The following XRCC1 variants were observed in gnomAD, a reference collection of about 807,000 sequenced individuals.
XRCC1 encodes the protein DNA repair protein XRCC1.
Under a neutral mutation model 83.3 loss-of-function variants are expected in XRCC1, and 52 were observed. The ratio of observed to expected loss-of-function variants is 0.62; its 90% CI spans 0.50 to 0.79. XRCC1 has a LOEUF of 0.79. XRCC1 is among the 30% of genes least tolerant of loss of function. The pLI, the probability that XRCC1 is intolerant of heterozygous loss-of-function variation, is 0.00. For synonymous variants in XRCC1, 281 were observed against 312.6 expected (o/e 0.90, Z 1.07); for missense variants, 793 against 823.5 (o/e 0.96, Z 0.45).
At chr19:43,550,061 A>AGCCT (rs1284923461) in intron 10 of XRCC1, among the ~76,000 whole-genome samples, 1 of 151,984 alleles carries the variant, frequency 6.6e-6, no homozygotes, top group Non-Finnish European at 1.5e-5. Context: ...CTCCCAACAG[A>AGCCT]GCCTGCCCCT....
intron 10 of XRCC1, among the ~76,000 whole-genome samples, chr19:43,548,539 C>CAAGATGTGCTTTGTT (rs1248556594): frequency 3.3e-5 from 5 of 152,092 alleles, no homozygotes; most frequent in Non-Finnish European, 5.9e-5. Context: ...AAGGGCGGTG[C>CAAGATGTGCTTTGTT]AAGATGTGCT....
intron 14 of XRCC1, 151 bp downstream of exon 14, chr19:43,545,667 C>T (rs1972500581): frequency 9.9e-7 from 1 of 1,006,014 alleles, no homozygotes; most frequent in South Asian, 1.6e-5. Flanking sequence ...CCTGGCAGAA[C>T]CTGAAGGTGC....
chr19:43,553,388 T>C lies in XRCC1; in HGVS notation c.601+13A>G, dbSNP rs1214973679. On this transcript the variant is annotated intron_variant, in intron 6 of 16. Transcript: ENST00000262887. ...AACCCTACTCACTCAGGACCCACGT[T>C]GTCCGAGCTCACCTGGGGATGTCTT... is the stretch of plus-strand genomic sequence containing the variant. 6.2e-7 allele frequency: 1 copy of C among 1,613,516 alleles called. No individual in the cohort carries two copies. Among genetic ancestry groups the C allele is most frequent in the African/African-American group, 1.3e-5 (1 of 74,906 alleles).
At chr19:43,563,624 C>T (rs3213309) in intron 2 of XRCC1, among the ~76,000 whole-genome samples, 2,654 of 152,276 alleles carry the variant, frequency 0.017, 76 homozygotes, top group African/African-American at 0.061. Flanking sequence ...GGCTCCTTCC[C>T]ACCTCAGGGC....
chr19:43,553,208 G>A (rs1972600424), intron 6 of XRCC1, 117 bp from the exon 7 acceptor site: 1 of 1,239,514 alleles, frequency 8.1e-7, no homozygotes, highest in Non-Finnish European at 1.1e-6. Flanking sequence ...AGGAGTCCCA[G>A]CCTCCAGACC....
chr19:43,552,287 A>G lies in XRCC1; in HGVS notation c.824-12T>C. On this transcript the variant is annotated splice_polypyrimidine_tract_variant and intron_variant, in intron 8 of 16. Coordinates refer to ENST00000262887, the MANE Select transcript of XRCC1 (RefSeq NM_006297.3). ...AGTTGGAGCTGGCACTGGAGAAGAC[A>G]AAGAGTAGATTAGGTTAGCACCACT... 6.3e-7 allele frequency: 1 copy of G among 1,576,024 alleles called. No individual in the cohort carries two copies.
rs1365880545 is a variant in XRCC1 at position 43,554,782 on chromosome 19, A to G, written c.278T>C (p.Phe93Ser). Residue 93 changes from phenylalanine to serine, a missense_variant, in exon 4 of 17, where the codon TTC becomes TCC. Phe to Ser is a radical substitution (Grantham distance 155). Transcript: ENST00000262887. Reference sequence around the variant, plus strand: ...ACTGCGGCTCTCGGAAGGGGACATGAAAGATGAGGTGACCAGAAGGACCTG... The same window carrying G: ...ACTGCGGCTCTCGGAAGGGGACATGGAAGATGAGGTGACCAGAAGGACCTG... Reference protein sequence around the residue: ...DYEVLLVTSSFMSPSESRSGS... With the variant: ...DYEVLLVTSSSMSPSESRSGS... The G allele has an allele frequency of 1.2e-6, 2 of 1,612,618 alleles. No homozygotes were observed. The highest frequency in any genetic ancestry group is 1.1e-5 in the South Asian group (1 of 91,008).
intron 2 of XRCC1, chr19:43,574,536 C>T (rs1247066389): frequency 2.0e-5 from 4 of 195,726 alleles, no homozygotes; most frequent in African/African-American, 6.9e-5. Context: ...CGGCCAGTTT[C>T]CCCTTCTTTA....
chr19:43,567,897 CAG>C (rs1972769191), intron 2 of XRCC1, among the ~76,000 whole-genome samples: 1 of 139,718 alleles, frequency 7.2e-6, no homozygotes, highest in South Asian at 2.2e-4. Flanking sequence ...TTTTTTGAGA[CAG>C]AGTCTTGCTC....
rs779452320 is a variant in XRCC1 at position 43,544,185 on chromosome 19, G to C, written c.1671C>G (p.Asp557Glu). ...HFFLYGEFPG[D>E]ERRKLIRYVT... Reference sequence around the variant, plus strand: ...CGTATCGGATGAGTTTCCGCCGCTCGTCCCCAGGGAACTCCCCGTAAAGAA... The same window carrying C: ...CGTATCGGATGAGTTTCCGCCGCTCCTCCCCAGGGAACTCCCCGTAAAGAA... Residue 557 changes from aspartate to glutamate, a missense_variant, in exon 15 of 17, where the codon GAC (aspartate) becomes GAG (glutamate). Coordinates refer to ENST00000262887, the MANE Select transcript of XRCC1 (RefSeq NM_006297.3). 5.6e-6 allele frequency: 9 copies of C among 1,610,932 alleles called. No homozygotes were observed. In the East Asian group the frequency reaches 2.0e-4, roughly 36 times the overall value.
At position 43,553,135 on chromosome 19, in the gene XRCC1, C is replaced by G. The variant is rs762813899; in HGVS notation, c.602-44G>C. 17 of 1,532,042 alleles carry G rather than the reference C, an allele frequency of 1.1e-5. No homozygotes were observed. In the Admixed American group the frequency reaches 3.1e-4, roughly 28 times the overall value. The allele number at this position is 1,532,042 out of a possible 1,614,324, so 94.9% of individuals were successfully genotyped here. ...GATCCAGGATGAGAGGGCTGAGCCC[C>G]AAGACCCTTTCACTCCTATCTATGG... On this transcript the variant is annotated intron_variant, in intron 6 of 16. Transcript: ENST00000262887.
At chr19:43,552,310 A>G in intron 8 of XRCC1, 35 bp from the exon 9 acceptor site, 3 of 1,484,238 alleles carry the variant, frequency 2.0e-6, no homozygotes, top group Non-Finnish European at 1.8e-6. Context: ...GGTTAGCACC[A>G]CTGGGGGTCA....
At chr19:43,543,943 C>T (rs1209204293) in intron 15 of XRCC1, among the ~76,000 whole-genome samples, 1 of 152,132 alleles carries the variant, frequency 6.6e-6, no homozygotes. Context: ...GAAGAGGAAA[C>T]TGAGGCAAGC....
At chr19:43,548,026 T>G in intron 10 of XRCC1, among the ~76,000 whole-genome samples, 1 of 54,600 alleles carries the variant, frequency 1.8e-5, no homozygotes, top group Admixed American at 1.6e-4. Flanking sequence ...CAGTAGCAGG[T>G]TCCCGTCCGG....
intron 2 of XRCC1, among the ~76,000 whole-genome samples, chr19:43,567,501 G>A (rs1047990993): frequency 2.6e-5 from 4 of 152,002 alleles, no homozygotes; most frequent in Non-Finnish European, 4.4e-5. Context: ...CAGTAGAGAT[G>A]GGGTTTCACC....
chr19:43,563,445 A>T (rs1319810056), intron 2 of XRCC1, among the ~76,000 whole-genome samples: 1 of 152,182 alleles, frequency 6.6e-6, no homozygotes, highest in Non-Finnish European at 1.5e-5. Context: ...GTGAGCCGAG[A>T]TTGTGCCACT....
At chr19:43,574,864 C>T (rs759127923) in intron 2 of XRCC1, 46 bp downstream of exon 2, 1 of 1,520,024 alleles carries the variant, frequency 6.6e-7, no homozygotes. Flanking sequence ...TCTGGAACCC[C>T]GGACTCCAGA....
intron 2 of XRCC1, among the ~76,000 whole-genome samples, chr19:43,573,905 A>G (rs1405273352): frequency 6.6e-6 from 1 of 152,100 alleles, no homozygotes; most frequent in East Asian, 1.9e-4. Flanking sequence ...ATTGACTGTC[A>G]GGCAAATTGT....
chr19:43,545,768 G>T, intron 14 of XRCC1, 50 bp downstream of exon 14: 1 of 1,602,480 alleles, frequency 6.2e-7, no homozygotes, highest in Non-Finnish European at 8.5e-7. Flanking sequence ...TCCCAGCTGA[G>T]AACTGAGAAG....
Sources: allele counts gnomAD v4.1 joint callset (sites outside exome capture counted in the v4.1 genomes callset), GRCh38; gene constraint gnomAD v4.1.1; transcripts MANE v1.5; gene names NCBI Gene and HGNC (gene_info 2026-07-23, HGNC 2026-07-21).